The following ZDHHC17 variants were observed in gnomAD, a reference collection of about 807,000 sequenced individuals.
ZDHHC17 encodes the protein zDHHC palmitoyltransferase 17, also known as palmitoyltransferase ZDHHC17.
In ZDHHC17, 40 loss-of-function variants were observed where a neutral mutation model predicts 90.3. The observed-to-expected ratio is 0.44, with a 90% CI of 0.34 to 0.58. The LOEUF (loss-of-function observed/expected upper bound fraction) is 0.58, where lower values mean the gene tolerates loss of function less well. ZDHHC17 is among the 20% of genes least tolerant of loss of function. The probability of loss-of-function intolerance (pLI) is 0.01; values close to 1 mark genes in which losing one functional copy is unlikely to be tolerated. For missense variants in ZDHHC17, 614 were observed against 780.8 expected, an observed-to-expected ratio of 0.79 and a Z score of 2.55; for synonymous variants, 235 against 252.4, an observed-to-expected ratio of 0.93 and a Z score of 0.65.
intron 4 of ZDHHC17, 123 bp downstream of exon 4, chr12:76,809,243 A>G (rs1952991853): frequency 1.8e-6 from 1 of 565,476 alleles, no homozygotes; most frequent in Non-Finnish European, 2.8e-6. Flanking sequence ...TTAATATCAT[A>G]AATATGCTGA....
chr12:76,794,412 C>T (rs1423731110), intron 1 of ZDHHC17, among the ~76,000 whole-genome samples: 2 of 152,076 alleles, frequency 1.3e-5, no homozygotes, highest in African/African-American at 4.8e-5. Context: ...TGACAAGGTA[C>T]TAGTCCTAGA....
chr12:76,813,272 TTTG>T (rs1373006514), intron 5 of ZDHHC17: 2 of 414,728 alleles, frequency 4.8e-6, no homozygotes, highest in African/African-American at 2.1e-5. Flanking sequence ...AATAAGGAAG[TTTG>T]TTGTTTCTTC....
intron 8 of ZDHHC17, among the ~76,000 whole-genome samples, chr12:76,823,696 G>A (rs934341022): frequency 1.3e-5 from 2 of 152,192 alleles, no homozygotes; most frequent in African/African-American, 4.8e-5. Flanking sequence ...TTAGGATAAA[G>A]AGAAGCAGTC....
intron 1 of ZDHHC17, among the ~76,000 whole-genome samples, chr12:76,772,738 G>A (rs1309820829): frequency 6.7e-6 from 1 of 149,790 alleles, no homozygotes; most frequent in African/African-American, 2.5e-5. Context: ...GTAGAGACAG[G>A]GTTTCACTAT....
intron 3 of ZDHHC17, among the ~76,000 whole-genome samples, chr12:76,808,608 A>G (rs1204595216): frequency 6.6e-6 from 1 of 152,198 alleles, no homozygotes; most frequent in Non-Finnish European, 1.5e-5. Context: ...AAGAACCTTT[A>G]TGTTATGTGT....
chr12:76,838,644 G>C (rs1242458017), intron 10 of ZDHHC17, among the ~76,000 whole-genome samples: 1 of 152,166 alleles, frequency 6.6e-6, no homozygotes, highest in Non-Finnish European at 1.5e-5. Flanking sequence ...CTTAGAGATA[G>C]AATGATGTCA....
At position 76,849,522 on chromosome 12, in the gene ZDHHC17, TACTA is replaced by T. The variant is rs1367350145; in HGVS notation, c.1760+55_1760+58del. 68 of 1,195,732 alleles carry T rather than the reference TACTA, an allele frequency of 5.7e-5. No individual in the cohort carries two copies. The East Asian group carries it at 9.2e-4, about 16-fold the overall frequency. The allele number at this position is 1,195,732 out of a possible 1,614,324, so 74.1% of individuals were successfully genotyped here. ...TTTTACCTGGTCATAAAAATTTTCT[TACTA>T]ACCAGACTCTTTTACTTAGTGATAT... On this transcript the variant is annotated intron_variant, in intron 16 of 16. Transcript: ENST00000426126.
intron 10 of ZDHHC17, among the ~76,000 whole-genome samples, chr12:76,832,827 T>A (rs11115643): frequency 0.011 from 1,688 of 152,318 alleles, 11 homozygotes; most frequent in Non-Finnish European, 0.017. Context: ...TGTTTATAGT[T>A]TGAGAACTAA....
At position 76,800,607 on chromosome 12, in the gene ZDHHC17, GTCTTTT is replaced by G. The variant is rs1339200247; in HGVS notation, c.197+3071_197+3076del. On this transcript the variant is annotated intron_variant, in intron 2 of 16. Coordinates refer to ENST00000426126, the MANE Select transcript of ZDHHC17 (RefSeq NM_015336.4). ...CCTTTTATTAATATGTAATGTCTTT[GTCTTTT>G]GTAACCATTCTTGATTTAAAGTTTA... Among the ~76,000 whole-genome samples the G allele has an allele frequency of 5.8e-4, 89 of 152,188 alleles. 1 individual carries two copies. The highest frequency in any genetic ancestry group is 2.1e-3 in the African/African-American group (88 of 41,528).
intron 7 of ZDHHC17, among the ~76,000 whole-genome samples, 160 bp downstream of exon 7, chr12:76,816,179 T>C (rs1953085077): frequency 6.6e-6 from 1 of 152,198 alleles, no homozygotes; most frequent in South Asian, 2.1e-4. Context: ...AATAATTCTT[T>C]GACTTGGTTA....
intron 1 of ZDHHC17, among the ~76,000 whole-genome samples, chr12:76,790,647 G>A (rs11115426): frequency 0.011 from 1,683 of 152,300 alleles, 11 homozygotes; most frequent in Non-Finnish European, 0.017. Context: ...TTATTTAAGG[G>A]AGCTAAGGTT....
In ZDHHC17 at chr12:76,851,877, A is replaced by G. The variant is rs1953571568; in HGVS notation, c.*892A>G. Reference sequence around the variant, plus strand: ...CAAATAATGCAAAATTCTCAGTAATAGTGATACATGGATATACTTCCTTTT... The same window carrying G: ...CAAATAATGCAAAATTCTCAGTAATGGTGATACATGGATATACTTCCTTTT... On this transcript the variant is annotated 3_prime_UTR_variant, in exon 17 of 17. Coordinates refer to ENST00000426126, the MANE Select transcript of ZDHHC17 (RefSeq NM_015336.4). 1 of 152,690 alleles carries G rather than the reference A, an allele frequency of 6.5e-6. No individual in the cohort carries two copies. The highest frequency in any genetic ancestry group is 2.4e-5 in the African/African-American group (1 of 41,474). 9.5% of individuals were successfully genotyped at this position (152,690 alleles called of 1,614,324 possible). A position where few individuals can be genotyped will look rare whatever the true frequency, so the allele number is the denominator to read the frequency against.
intron 10 of ZDHHC17, among the ~76,000 whole-genome samples, chr12:76,837,254 G>C (rs1377237716): frequency 1.3e-5 from 2 of 152,162 alleles, no homozygotes; most frequent in Admixed American, 6.5e-5. Context: ...TTGTGCCTCA[G>C]ACTCTCAAGT....
chr12:76,830,144 T>A (rs2137788964), intron 10 of ZDHHC17, among the ~76,000 whole-genome samples: 1 of 152,366 alleles, frequency 6.6e-6, no homozygotes, highest in East Asian at 1.9e-4. Flanking sequence ...ACATGTTTCA[T>A]AAGTGTTAAA....
chr12:76,790,728 A>C (rs980571095), intron 1 of ZDHHC17, among the ~76,000 whole-genome samples: 1 of 152,180 alleles, frequency 6.6e-6, no homozygotes, highest in Non-Finnish European at 1.5e-5. Flanking sequence ...GTTCATCACA[A>C]AGTTAAATAC....
chr12:76,768,363 G>T (rs1952454871), intron 1 of ZDHHC17, among the ~76,000 whole-genome samples: 1 of 152,154 alleles, frequency 6.6e-6, no homozygotes, highest in Admixed American at 6.5e-5. Flanking sequence ...TGACCTCTAA[G>T]ATTTCTTCAG....
At chr12:76,810,121 A>T (rs912084136) in intron 5 of ZDHHC17, among the ~76,000 whole-genome samples, 3 of 152,186 alleles carry the variant, frequency 2.0e-5, no homozygotes, top group Non-Finnish European at 4.4e-5. Flanking sequence ...TAAGAGAGAA[A>T]ATATAAGTAT....
At chr12:76,777,313 C>G (rs912495018) in intron 1 of ZDHHC17, among the ~76,000 whole-genome samples, 2 of 152,122 alleles carry the variant, frequency 1.3e-5, no homozygotes, top group African/African-American at 4.8e-5. Flanking sequence ...ATTGGCTTTT[C>G]TCATTCAGCA....
At chr12:76,772,939 C>T (rs933449056) in intron 1 of ZDHHC17, among the ~76,000 whole-genome samples, 10 of 151,974 alleles carry the variant, frequency 6.6e-5, no homozygotes, top group East Asian at 1.9e-4. Flanking sequence ...CTCACTGCAA[C>T]TTCGCCTCCT....
Sources: gnomAD v4.1 joint callset for allele counts (sites outside exome capture counted in the v4.1 genomes callset) on GRCh38, gnomAD v4.1.1 for gene constraint, MANE v1.5 for transcripts, NCBI Gene and HGNC (gene_info 2026-07-23, HGNC 2026-07-21) for gene names.